ZBTB20: variants seen among roughly 807,000 people sequenced by gnomAD.
ZBTB20 encodes the protein zinc finger and BTB domain containing 20.
A neutral mutation model predicts 56.9 loss-of-function variants in ZBTB20; 9 were observed. The observed-to-expected ratio is 0.16, with a 90% confidence interval of 0.10 to 0.28. The LOEUF (loss-of-function observed/expected upper bound fraction) is 0.28, where lower values mean the gene tolerates loss of function less well. ZBTB20 is among the 10% of genes least tolerant of loss of function. The probability of loss-of-function intolerance (pLI) is 1.00; values close to 1 mark genes in which losing one functional copy is unlikely to be tolerated. For synonymous variants in ZBTB20, 417 were observed against 420.7 expected (o/e 0.99, Z 0.11); for missense variants, 655 against 1,003.0 (o/e 0.65, Z 4.69).
chr3:114,687,068 G>A (rs1275010048), intron 6 of ZBTB20, among the ~76,000 whole-genome samples: 2 of 152,088 alleles, frequency 1.3e-5, no homozygotes, highest in Non-Finnish European at 2.9e-5. Context: ...CACAGCATGG[G>A]TCTTTTTGTT....
At chr3:114,511,701 G>A (rs1214195606) in intron 6 of ZBTB20, among the ~76,000 whole-genome samples, 1 of 151,922 alleles carries the variant, frequency 6.6e-6, no homozygotes, top group Non-Finnish European at 1.5e-5. Flanking sequence ...CTACACTTTA[G>A]AACTGGAGAC....
In ZBTB20 at chr3:114,559,954, A is replaced by T. The variant is rs567003410; in HGVS notation, c.-294-59563T>A. 3.8e-4 allele frequency among the ~76,000 whole-genome samples: 58 copies of T among 152,310 alleles called. 1 individual carries two copies. Among genetic ancestry groups the T allele is most frequent in the Non-Finnish European group, 7.4e-5 (5 of 68,022 alleles). ...GGATGTTATTGTAGCTGTGAAGATT[A>T]GATAATAATAAGAAAAACTAATTCT... On this transcript the variant is annotated intron_variant, in intron 6 of 11. Transcript: ENST00000675478.
chr3:114,579,959 A>G (rs1377503646), intron 6 of ZBTB20, among the ~76,000 whole-genome samples: 1 of 151,734 alleles, frequency 6.6e-6, no homozygotes, highest in African/African-American at 2.4e-5. Context: ...AAATACTCAG[A>G]ATAAAAAATC....
intron 4 of ZBTB20, among the ~76,000 whole-genome samples, chr3:114,852,020 T>G (rs2075023886): frequency 6.6e-6 from 1 of 152,048 alleles, no homozygotes; most frequent in Non-Finnish European, 1.5e-5. Context: ...GTAAAAACTG[T>G]TTTTTAAATT....
At chr3:114,424,381 G>A (rs2089460852) in intron 7 of ZBTB20, among the ~76,000 whole-genome samples, 2 of 152,148 alleles carry the variant, frequency 1.3e-5, no homozygotes, top group Admixed American at 6.5e-5. Flanking sequence ...AGATATGCAT[G>A]CAAAGTCTCT....
At chr3:114,363,660 G>A (rs1316423589) in intron 10 of ZBTB20, among the ~76,000 whole-genome samples, 4 of 152,208 alleles carry the variant, frequency 2.6e-5, no homozygotes, top group African/African-American at 9.6e-5. Context: ...TTCCTAGGAA[G>A]AGAAACTGTA....
At chr3:114,765,809 G>A (rs906186041) in intron 5 of ZBTB20, among the ~76,000 whole-genome samples, 7 of 151,956 alleles carry the variant, frequency 4.6e-5, no homozygotes, top group South Asian at 2.1e-4. Flanking sequence ...CACAAATATC[G>A]AAACAATAAA....
intron 4 of ZBTB20, among the ~76,000 whole-genome samples, chr3:114,861,177 A>T (rs1236759159): frequency 6.6e-6 from 1 of 152,186 alleles, no homozygotes; most frequent in African/African-American, 2.4e-5. Flanking sequence ...CAGGAGACTT[A>T]CACTGACCAT....
chr3:114,371,830 C>T lies in ZBTB20; in HGVS notation c.199+8387G>A, dbSNP rs9835549. On this transcript the variant is annotated intron_variant, in intron 10 of 11. Transcript: ENST00000675478. ...CAATAATGGGTATAGACCAGGTAAC[C>T]TTTAATCTTGCACTGCTGATAAAAA... Among the ~76,000 whole-genome samples the T allele has an allele frequency of 2.7e-3, 413 of 151,932 alleles. 3 individuals are homozygous for T. Among genetic ancestry groups the T allele is most frequent in the African/African-American group, 9.4e-3 (389 of 41,436 alleles).
intron 6 of ZBTB20, among the ~76,000 whole-genome samples, chr3:114,655,495 A>G (rs1037896515): frequency 2.9e-5 from 4 of 136,896 alleles, no homozygotes; most frequent in African/African-American, 8.2e-5. Context: ...CTCATGATCC[A>G]CCCGCCTCGG....
chr3:115,118,008 G>A (rs924561709), intron 1 of ZBTB20, among the ~76,000 whole-genome samples: 1 of 152,232 alleles, frequency 6.6e-6, no homozygotes, highest in South Asian at 2.1e-4. Context: ...CACTACCTGT[G>A]ACCTTAAACA....
chr3:114,651,062 T>C (rs772179153), intron 6 of ZBTB20, among the ~76,000 whole-genome samples: 1 of 152,060 alleles, frequency 6.6e-6, no homozygotes. Context: ...TTGGTAAATA[T>C]TCAGTGTATC....
chr3:115,016,336 A>G (rs2079957010), intron 2 of ZBTB20, among the ~76,000 whole-genome samples: 1 of 151,508 alleles, frequency 6.6e-6, no homozygotes, highest in African/African-American at 2.4e-5. Context: ...CCCATTTGTC[A>G]TTTTGCTTTT....
intron 1 of ZBTB20, among the ~76,000 whole-genome samples, chr3:115,120,383 C>G (rs1014875360): frequency 6.6e-6 from 1 of 152,128 alleles, no homozygotes; most frequent in South Asian, 2.1e-4. Flanking sequence ...TGTAGTAGAT[C>G]TTGTATAAAG....
At chr3:114,517,896 G>A (rs141918058) in intron 6 of ZBTB20, among the ~76,000 whole-genome samples, 4 of 152,104 alleles carry the variant, frequency 2.6e-5, no homozygotes, top group African/African-American at 7.2e-5. Flanking sequence ...TTTTTTAAGC[G>A]CTTACTGTAT....
chr3:114,504,414 A>G (rs931371656), intron 6 of ZBTB20, among the ~76,000 whole-genome samples: 2 of 152,202 alleles, frequency 1.3e-5, no homozygotes, highest in African/African-American at 4.8e-5. Context: ...AAAAGCCACA[A>G]AATAAATAGT....
At chr3:114,729,794 ATTTTC>A (rs1321339564) in intron 5 of ZBTB20, among the ~76,000 whole-genome samples, 155 of 151,512 alleles carry the variant, frequency 1.0e-3, no homozygotes, top group African/African-American at 3.4e-3. Flanking sequence ...TATATGTAGG[ATTTTC>A]TTTTCTTTTA....
intron 1 of ZBTB20, among the ~76,000 whole-genome samples, chr3:115,094,542 CTTT>C (rs1354942721): frequency 7.1e-6 from 1 of 140,720 alleles, no homozygotes. Flanking sequence ...CTAGTAATAG[CTTT>C]TTTTTTTTTT....
chr3:114,953,913 T>A (rs1232536941), intron 3 of ZBTB20, among the ~76,000 whole-genome samples: 1 of 152,126 alleles, frequency 6.6e-6, no homozygotes, highest in Non-Finnish European at 1.5e-5. Flanking sequence ...AATTTTTAGG[T>A]TAACATGAGT....
Sources: gnomAD v4.1 joint callset for allele counts (sites outside exome capture counted in the v4.1 genomes callset) on GRCh38, gnomAD v4.1.1 for gene constraint, MANE v1.5 for transcripts, NCBI Gene and HGNC (gene_info 2026-07-23, HGNC 2026-07-21) for gene names.